RPTOR: variants seen among roughly 807,000 people sequenced by gnomAD.
RPTOR encodes the protein regulatory associated protein of MTOR complex 1, also known as regulatory-associated protein of mTOR.
RPTOR carries 21 observed loss-of-function variants against 169.9 expected under a neutral mutation model. The ratio of observed to expected loss-of-function variants is 0.12; its 90% CI spans 0.09 to 0.18. RPTOR has a LOEUF of 0.18. Ranked by LOEUF, RPTOR falls within the 10% of genes least tolerant of loss-of-function variation. The pLI, the probability that RPTOR is intolerant of heterozygous loss-of-function variation, is 1.00. For synonymous variants in RPTOR, 732 were observed against 753.2 expected (o/e 0.97, Z 0.46); for missense variants, 1,133 against 1,855.9 (o/e 0.61, Z 7.16).
intron 3 of RPTOR, among the ~76,000 whole-genome samples, chr17:80,676,762 A>AGGCCTCAGT (rs1567852264): frequency 6.6e-6 from 1 of 152,232 alleles, no homozygotes; most frequent in Non-Finnish European, 1.5e-5. Flanking sequence ...AGAACCGGGC[A>AGGCCTCAGT]GGCCTCAGTG....
At chr17:80,645,883 G>T (rs2065591935) in intron 3 of RPTOR, among the ~76,000 whole-genome samples, 1 of 152,206 alleles carries the variant, frequency 6.6e-6, no homozygotes, top group Non-Finnish European at 1.5e-5. Flanking sequence ...GTGCAAAGGG[G>T]TGCAGTCCTC....
At chr17:80,728,761 T>C (rs1011745483) in intron 4 of RPTOR, among the ~76,000 whole-genome samples, 2 of 152,034 alleles carry the variant, frequency 1.3e-5, no homozygotes, top group African/African-American at 4.8e-5. Context: ...CTGTACTATA[T>C]AATCATCTTG....
intron 24 of RPTOR, among the ~76,000 whole-genome samples, chr17:80,935,505 C>T (rs763929358): frequency 9.2e-5 from 14 of 152,002 alleles, no homozygotes; most frequent in East Asian, 1.9e-4. Flanking sequence ...AGGTTAGATG[C>T]GTAGATCAAT....
At chr17:80,912,287 T>C (rs1377033955) in intron 21 of RPTOR, among the ~76,000 whole-genome samples, 2 of 152,204 alleles carry the variant, frequency 1.3e-5, no homozygotes, top group African/African-American at 4.8e-5. Context: ...GCTGTGGCCA[T>C]GGACCACCCT....
chr17:80,676,764 G>A (rs1567852268), intron 3 of RPTOR, among the ~76,000 whole-genome samples: 1 of 152,218 alleles, frequency 6.6e-6, no homozygotes, highest in Non-Finnish European at 1.5e-5. Flanking sequence ...AACCGGGCAG[G>A]CCTCAGTGGC....
chr17:80,624,621 T>C (rs1448704981), intron 1 of RPTOR, among the ~76,000 whole-genome samples: 1 of 152,078 alleles, frequency 6.6e-6, no homozygotes, highest in Non-Finnish European at 1.5e-5. Flanking sequence ...TTAATACATA[T>C]ATCTGTGCAC....
intron 4 of RPTOR, among the ~76,000 whole-genome samples, chr17:80,722,277 A>G (rs2066293095): frequency 6.6e-6 from 1 of 151,200 alleles, no homozygotes; most frequent in African/African-American, 2.5e-5. Flanking sequence ...CAGGCAATCA[A>G]ATGAAAATAA....
rs540218992 is a variant in RPTOR, at chr17:80,877,414, G to A, written c.1510-3001G>A. On this transcript the variant is annotated intron_variant, in intron 13 of 33. Transcript: ENST00000306801. ...GTGGTTCCCACCTGGCATAATGACC[G>A]TATCAGAACAGACATCTGGTAGTAT... is the stretch of plus-strand genomic sequence containing the variant. 3.9e-5 allele frequency among the ~76,000 whole-genome samples: 6 copies of A among 152,324 alleles called. No homozygotes were observed. In the South Asian group the frequency reaches 6.2e-4, roughly 16 times the overall value.
intron 6 of RPTOR, among the ~76,000 whole-genome samples, chr17:80,788,635 C>T (rs776240810): frequency 2.0e-5 from 3 of 152,042 alleles, no homozygotes; most frequent in African/African-American, 4.8e-5. Context: ...TTTTCATTGT[C>T]TTTTTAATAT....
chr17:80,725,744 G>A (rs974400383), intron 4 of RPTOR, among the ~76,000 whole-genome samples: 4 of 152,156 alleles, frequency 2.6e-5, no homozygotes, highest in South Asian at 2.1e-4. Context: ...TCTGCATCCC[G>A]TGTTCTAATC....
At chr17:80,679,112 G>A (rs979695895) in intron 3 of RPTOR, among the ~76,000 whole-genome samples, 4 of 152,178 alleles carry the variant, frequency 2.6e-5, no homozygotes, top group Non-Finnish European at 5.9e-5. Context: ...CGGGCGCAGC[G>A]GCTACCTGTA....
At chr17:80,593,535 G>A (rs1022784753) in intron 1 of RPTOR, 1 of 154,628 alleles carries the variant, frequency 6.5e-6, no homozygotes, top group Non-Finnish European at 1.5e-5. Flanking sequence ...GTGGAGTTTT[G>A]GTGTGTATCA....
At chr17:80,946,205 G>A (rs954533343) in intron 26 of RPTOR, among the ~76,000 whole-genome samples, 3 of 152,182 alleles carry the variant, frequency 2.0e-5, no homozygotes, top group African/African-American at 7.2e-5. Flanking sequence ...CCTTAGAGAT[G>A]GAGAGAGTAC....
chr17:80,882,278 G>T (rs752620670), intron 14 of RPTOR, among the ~76,000 whole-genome samples: 20 of 152,220 alleles, frequency 1.3e-4, no homozygotes, highest in Non-Finnish European at 2.2e-4. Flanking sequence ...TTCCAGATTT[G>T]AAGAAAGGAG....
At chr17:80,669,259 T>C (rs1235991205) in intron 3 of RPTOR, among the ~76,000 whole-genome samples, 1 of 152,248 alleles carries the variant, frequency 6.6e-6, no homozygotes, top group Non-Finnish European at 1.5e-5. Context: ...TCCAAATTCT[T>C]CTTCTCTTGC....
intron 3 of RPTOR, among the ~76,000 whole-genome samples, chr17:80,675,547 G>A (rs555731010): frequency 5.9e-5 from 9 of 152,332 alleles, no homozygotes; most frequent in Admixed American, 2.6e-4. Flanking sequence ...CTCTTCTGGA[G>A]GGATGCCCTC....
At chr17:80,569,073 T>C (rs1187141082) in intron 1 of RPTOR, among the ~76,000 whole-genome samples, 1 of 152,220 alleles carries the variant, frequency 6.6e-6, no homozygotes, top group East Asian at 1.9e-4. Flanking sequence ...ATGCTCTCTT[T>C]TAAATCCTTG....
At chr17:80,553,031 C>T (rs4890043) in intron 1 of RPTOR, among the ~76,000 whole-genome samples, 52,948 of 152,016 alleles carry the variant, frequency 0.35, 10,075 homozygotes, top group African/African-American at 0.47. Context: ...TAATGGAACA[C>T]CATTGGCCTT....
At chr17:80,549,822 C>A (rs2084323463) in intron 1 of RPTOR, among the ~76,000 whole-genome samples, 2 of 152,146 alleles carry the variant, frequency 1.3e-5, no homozygotes, top group African/African-American at 4.8e-5. Context: ...CATGTAGCAC[C>A]CCTGGCAGAC....
Sources: allele counts gnomAD v4.1 joint callset (sites outside exome capture counted in the v4.1 genomes callset), GRCh38; gene constraint gnomAD v4.1.1; transcripts MANE v1.5; gene names NCBI Gene and HGNC (gene_info 2026-07-23, HGNC 2026-07-21).